The following SNX29 variants were observed in gnomAD, a reference collection of about 807,000 sequenced individuals.
SNX29 encodes the protein sorting nexin-29.
Under a neutral mutation model 102.1 loss-of-function variants are expected in SNX29, and 78 were observed. That is an observed-to-expected ratio of 0.76 (90% CI 0.64 to 0.92). SNX29 has a LOEUF of 0.92. Among genes scored for constraint, SNX29 ranks in the 40% least tolerant of loss-of-function variants. The probability of loss-of-function intolerance (pLI) is 0.00; values close to 1 mark genes in which losing one functional copy is unlikely to be tolerated. For synonymous variants in SNX29, 580 were observed against 414.5 expected, an observed-to-expected ratio of 1.40 and a Z score of -4.85; for missense variants, 1,280 against 1,061.7, an observed-to-expected ratio of 1.21 and a Z score of -2.86.
At chr16:12,164,807 C>T (rs2055944365) in intron 13 of SNX29, among the ~76,000 whole-genome samples, 1 of 151,424 alleles carries the variant, frequency 6.6e-6, no homozygotes, top group Admixed American at 6.6e-5. Context: ...CCTGCCTCAG[C>T]CTCCTGAGTA....
At chr16:12,396,245 TGTAGA>T (rs1167696915) in intron 16 of SNX29, among the ~76,000 whole-genome samples, 1 of 152,152 alleles carries the variant, frequency 6.6e-6, no homozygotes, top group African/African-American at 2.4e-5. Flanking sequence ...TTTCGATAAT[TGTAGA>T]GTAATGTCTG....
intron 16 of SNX29, among the ~76,000 whole-genome samples, chr16:12,362,295 G>A (rs552752942): frequency 5.9e-4 from 90 of 151,616 alleles, no homozygotes; most frequent in African/African-American, 2.0e-3. Flanking sequence ...AGCCTGGAAG[G>A]CTGGCTGGCA....
At chr16:12,333,543 G>T (rs763058275) in intron 15 of SNX29, among the ~76,000 whole-genome samples, 2 of 152,150 alleles carry the variant, frequency 1.3e-5, no homozygotes, top group Non-Finnish European at 1.5e-5. Flanking sequence ...GCTGAATTCA[G>T]TGTACCTTTG....
intron 11 of SNX29, among the ~76,000 whole-genome samples, chr16:12,099,991 C>T (rs532080572): frequency 2.0e-5 from 3 of 152,270 alleles, no homozygotes; most frequent in East Asian, 1.9e-4. Context: ...GTCCTTGCAG[C>T]GACCCCATGC....
rs964331419 is a variant in SNX29 at position 12,572,562 on chromosome 16, G to T, written c.*3933G>T. On this transcript the variant is annotated 3_prime_UTR_variant, in exon 21 of 21. Transcript: ENST00000566228. ...CTGCGACACCATCTGGCTCCTCACA[G>T]GGAGGTCCAGCCATGTTCTCTGGGC... 1.9e-6 allele frequency: 2 copies of T among 1,063,750 alleles called. No individual in the cohort carries two copies. The highest frequency in any genetic ancestry group is 5.3e-5 in the Admixed American group (1 of 18,698). 65.9% of individuals were successfully genotyped at this position (1,063,750 alleles called of 1,614,324 possible).
chr16:12,137,798 A>T (rs2054716314), intron 13 of SNX29, among the ~76,000 whole-genome samples: 2 of 152,236 alleles, frequency 1.3e-5, no homozygotes, highest in East Asian at 3.8e-4. Context: ...GGTCAGGCAT[A>T]CTGATTTGAA....
chr16:12,461,976 AAAATATATATATATATATATATAT>A (rs2086803626), intron 18 of SNX29, among the ~76,000 whole-genome samples: 6 of 43,482 alleles, frequency 1.4e-4, no homozygotes, highest in Non-Finnish European at 1.8e-4. Context: ...AAAAAAAAAA[AAAATATATATATATATATATATAT>A]ATATATATAT....
At chr16:12,040,498 A>G (rs2049836063) in intron 4 of SNX29, among the ~76,000 whole-genome samples, 1 of 152,246 alleles carries the variant, frequency 6.6e-6, no homozygotes, top group East Asian at 1.9e-4. Context: ...ATAAAAACAA[A>G]CTTTCTTAGG....
intron 14 of SNX29, among the ~76,000 whole-genome samples, chr16:12,268,418 G>T (rs1219571562): frequency 6.6e-6 from 1 of 152,240 alleles, no homozygotes; most frequent in African/African-American, 2.4e-5. Context: ...CCCAGGGTCT[G>T]TTTCATCGCA....
chr16:12,566,304 C>G (rs996325981), intron 20 of SNX29, among the ~76,000 whole-genome samples: 1 of 152,188 alleles, frequency 6.6e-6, no homozygotes, highest in Non-Finnish European at 1.5e-5. Flanking sequence ...CACGTGCCTC[C>G]AAGCTATGTC....
chr16:12,461,531 G>T (rs1299814301), intron 18 of SNX29, among the ~76,000 whole-genome samples: 1 of 152,128 alleles, frequency 6.6e-6, no homozygotes, highest in Non-Finnish European at 1.5e-5. Context: ...CTTTTTCAGA[G>T]GCTCTGGTGC....
At chr16:12,065,414 C>G (rs557277351) in intron 9 of SNX29, among the ~76,000 whole-genome samples, 4 of 152,254 alleles carry the variant, frequency 2.6e-5, no homozygotes, top group African/African-American at 9.6e-5. Context: ...ACTGCTCATC[C>G]CTTCATTGAG....
At chr16:12,010,986 G>A (rs1430654766) in intron 3 of SNX29, among the ~76,000 whole-genome samples, 2 of 151,828 alleles carry the variant, frequency 1.3e-5, no homozygotes, top group Non-Finnish European at 2.9e-5. Flanking sequence ...TGCATCACAA[G>A]TTTCTTACCA....
chr16:11,995,741 G>A (rs1429273067), intron 1 of SNX29, among the ~76,000 whole-genome samples: 3 of 151,894 alleles, frequency 2.0e-5, no homozygotes, highest in Non-Finnish European at 4.4e-5. Flanking sequence ...GGAGCCGGCA[G>A]TGTCAGCTCC....
In SNX29 at chr16:12,011,623, T is replaced by C. The variant is rs182619858; in HGVS notation, c.122+8580T>C. Among the ~76,000 whole-genome samples, 19 of 152,266 alleles carry C rather than the reference T, an allele frequency of 1.2e-4. No homozygotes were observed. The East Asian group carries it at 3.7e-3, about 29-fold the overall frequency. On this transcript the variant is annotated intron_variant, in intron 3 of 20. Coordinates refer to ENST00000566228, the MANE Select transcript of SNX29 (RefSeq NM_032167.5). ...TTTAAATTAATATTTGTCTTACTTA[T>C]ATTGATAGTTGTTGAGAAATACTGC...
chr16:11,982,423 GTTTTTTTTTT>G (rs60761477), intron 1 of SNX29, among the ~76,000 whole-genome samples: 2 of 120,374 alleles, frequency 1.7e-5, no homozygotes, highest in East Asian at 2.4e-4. Flanking sequence ...CTTTCCATCA[GTTTTTTTTTT>G]TTTTTTTTTG....
At chr16:12,132,905 T>C (rs2054519870) in intron 13 of SNX29, among the ~76,000 whole-genome samples, 1 of 152,240 alleles carries the variant, frequency 6.6e-6, no homozygotes, top group Admixed American at 6.5e-5. Flanking sequence ...ATGTTCCAGA[T>C]AGAGTTAACC....
Position 12,572,597 on chromosome 16 carries a change from G to GC in SNX29, c.*3973dup, listed in dbSNP as rs1297969956. 7 of 1,063,994 alleles carry GC rather than the reference G, an allele frequency of 6.6e-6. No individual in the cohort carries two copies. Among genetic ancestry groups the GC allele is most frequent in the African/African-American group, 1.6e-5 (1 of 60,984 alleles). 65.9% of individuals were successfully genotyped at this position (1,063,994 alleles called of 1,614,324 possible). On this transcript the variant is annotated 3_prime_UTR_variant, in exon 21 of 21. Transcript: ENST00000566228. ...GCCATGTTCTCTGGGCTCCCAGTGA[G>GC]CCCCCTCCCCTCCGGCTACCCCCAG...
At chr16:12,057,604 C>T (rs2050571994) in intron 8 of SNX29, among the ~76,000 whole-genome samples, 1 of 152,104 alleles carries the variant, frequency 6.6e-6, no homozygotes, top group Non-Finnish European at 1.5e-5. Context: ...CATCTAGATA[C>T]CAAAGTTCTT....
Sources: gnomAD v4.1 joint callset for allele counts (sites outside exome capture counted in the v4.1 genomes callset) on GRCh38, gnomAD v4.1.1 for gene constraint, MANE v1.5 for transcripts, NCBI Gene and HGNC (gene_info 2026-07-23, HGNC 2026-07-21) for gene names.